The following GEMIN2 variants were observed in gnomAD, a reference collection of about 807,000 sequenced individuals.
GEMIN2 encodes gem-associated protein 2.
Under a neutral mutation model 45.8 loss-of-function variants are expected in GEMIN2, and 37 were observed. That is an observed-to-expected ratio of 0.81 (90% CI 0.62 to 1.06). GEMIN2 has a LOEUF of 1.06. Ranked by LOEUF, GEMIN2 falls within the 50% of genes least tolerant of loss-of-function variation. The probability of loss-of-function intolerance (pLI) is 0.00; values close to 1 mark genes in which losing one functional copy is unlikely to be tolerated. For missense variants in GEMIN2, 335 were observed against 321.8 expected (o/e 1.04, Z -0.31); for synonymous variants, 101 against 111.5 (o/e 0.91, Z 0.60).
At chr14:39,125,600 C>A (rs547638106) in intron 6 of GEMIN2, among the ~76,000 whole-genome samples, 5 of 152,240 alleles carry the variant, frequency 3.3e-5, no homozygotes, top group Admixed American at 3.3e-4. Flanking sequence ...CCACCATGCC[C>A]AGCCATTTTA....
Position 39,136,534 on chromosome 14 carries a change from G to A in GEMIN2, c.*55G>A. ...TTTCTCATGAAGGCAGCCTAACTCT[G>A]AGGAAAACAATGCCAATTCAAGTAC... On this transcript the variant is annotated 3_prime_UTR_variant, in exon 10 of 10. Coordinates refer to ENST00000308317, the MANE Select transcript of GEMIN2 (RefSeq NM_003616.3). 2 of 1,439,086 alleles carry A rather than the reference G, an allele frequency of 1.4e-6. No homozygotes were observed. The highest frequency in any genetic ancestry group is 1.4e-5 in the African/African-American group (1 of 71,410). The allele number at this position is 1,439,086 out of a possible 1,614,324, so 89.1% of individuals were successfully genotyped here.
chr14:39,122,904 A>C (rs2052591276), intron 5 of GEMIN2, among the ~76,000 whole-genome samples: 1 of 152,166 alleles, frequency 6.6e-6, no homozygotes, highest in African/African-American at 2.4e-5. Context: ...CTTGGTAATC[A>C]TTTTATGAGT....
intron 5 of GEMIN2, 62 bp from the exon 6 acceptor site, chr14:39,124,930 G>GAAA: frequency 3.0e-6 from 2 of 677,952 alleles, no homozygotes; most frequent in African/African-American, 1.9e-5. Flanking sequence ...TCACCAGTTT[G>GAAA]AAAAAAAAAA....
intron 4 of GEMIN2, among the ~76,000 whole-genome samples, chr14:39,120,302 G>A (rs1047358500): frequency 1.3e-5 from 2 of 152,194 alleles, no homozygotes; most frequent in African/African-American, 2.4e-5. Flanking sequence ...ACTTTGGGAG[G>A]CTGAGGTGGG....
intron 5 of GEMIN2, among the ~76,000 whole-genome samples, chr14:39,124,338 A>C (rs1266666079): frequency 1.3e-5 from 2 of 152,210 alleles, no homozygotes; most frequent in African/African-American, 4.8e-5. Flanking sequence ...GAAATGGTGT[A>C]TACAACATAT....
At position 39,128,485 on chromosome 14, in the gene GEMIN2, C is replaced by CTTTT. The variant is rs71130820; in HGVS notation, c.600+157_600+160dup. On this transcript the variant is annotated intron_variant, in intron 7 of 9. Coordinates refer to ENST00000308317, the MANE Select transcript of GEMIN2 (RefSeq NM_003616.3). ...ACTGCACATTTTCTTTTTTTCTTTT[C>CTTTT]TTTTTTTTTTTTTTTTTTTTTTTGA... 3.0e-3 allele frequency: 442 copies of CTTTT among 148,318 alleles called. 7 individuals are homozygous for CTTTT. The highest frequency in any genetic ancestry group is 7.4e-3 in the African/African-American group (138 of 18,638). The allele number at this position is 148,318 out of a possible 1,614,324, so 9.2% of individuals were successfully genotyped here.
intron 4 of GEMIN2, 34 bp from the exon 5 acceptor site, chr14:39,122,383 AAAAATTAATACAC>A: frequency 1.0e-6 from 1 of 986,966 alleles, no homozygotes; most frequent in Non-Finnish European, 1.6e-6. Context: ...TGTTCAGTGT[AAAAATTAATACAC>A]AGGAATAAAT....
At chr14:39,123,569 C>T (rs995994731) in intron 5 of GEMIN2, among the ~76,000 whole-genome samples, 10 of 150,996 alleles carry the variant, frequency 6.6e-5, no homozygotes, top group African/African-American at 1.7e-4. Flanking sequence ...CACTCTTAGA[C>T]GTGGTACAGG....
intron 6 of GEMIN2, among the ~76,000 whole-genome samples, chr14:39,127,461 G>T (rs111294681): frequency 0.018 from 2,708 of 148,010 alleles, 79 homozygotes; most frequent in African/African-American, 0.064. Flanking sequence ...CCCGGCCTCA[G>T]CCTCCCTAGT....
At chr14:39,121,010 T>C (rs1430049352) in intron 4 of GEMIN2, among the ~76,000 whole-genome samples, 2 of 152,236 alleles carry the variant, frequency 1.3e-5, no homozygotes, top group Non-Finnish European at 2.9e-5. Context: ...CAAATAGTCC[T>C]GCGTCCTGCT....
At chr14:39,135,789 T>TA (rs1371074794) in intron 9 of GEMIN2, among the ~76,000 whole-genome samples, 4 of 152,220 alleles carry the variant, frequency 2.6e-5, no homozygotes, top group Non-Finnish European at 5.9e-5. Flanking sequence ...TTGCCAAAGT[T>TA]AAAATTATAA....
In GEMIN2 at chr14:39,118,655, A is replaced by G; in HGVS notation, c.372+56A>G. 4.0e-6 allele frequency: 3 copies of G among 751,718 alleles called. No homozygotes were observed. The South Asian group carries it at 5.0e-5, about 12-fold the overall frequency. 46.6% of individuals were successfully genotyped at this position (751,718 alleles called of 1,614,324 possible). ...AATGTATACCTGATTGAAAGAGTCT[A>G]TATTTACTTCCAGTCGTTAAAGATT... is the stretch of plus-strand genomic sequence containing the variant. On this transcript the variant is annotated intron_variant, in intron 4 of 9. Coordinates refer to ENST00000308317, the MANE Select transcript of GEMIN2 (RefSeq NM_003616.3).
At chr14:39,129,897 C>G (rs183178315) in intron 7 of GEMIN2, among the ~76,000 whole-genome samples, 1 of 143,310 alleles carries the variant, frequency 7.0e-6, no homozygotes, top group East Asian at 2.1e-4. Flanking sequence ...TATCCTGGTA[C>G]AAGGTACAAA....
intron 8 of GEMIN2, among the ~76,000 whole-genome samples, chr14:39,132,978 GT>G (rs2052737273): frequency 1.1e-4 from 3 of 26,630 alleles, no homozygotes; most frequent in Admixed American, 3.2e-4. Flanking sequence ...TGCACCTGGT[GT>G]GTGTGTGTGT....
chr14:39,127,600 A>G (rs2052661089), intron 6 of GEMIN2, among the ~76,000 whole-genome samples: 1 of 150,844 alleles, frequency 6.6e-6, no homozygotes. Context: ...TCGGCCTCCC[A>G]AAGTGCTGAG....
chr14:39,131,891 G>A lies in GEMIN2; in HGVS notation c.601-67G>A, dbSNP rs911745975. On this transcript the variant is annotated intron_variant, in intron 7 of 9. Transcript: ENST00000308317. ...TAGCAGATAATCAGGCATAACATTG[G>A]ACATTTAAAAAATAAACTTCTGGTT... 4 of 777,906 alleles carry A rather than the reference G, an allele frequency of 5.1e-6. No homozygotes were observed. The African/African-American group carries it at 6.9e-5, about 13-fold the overall frequency. 48.2% of individuals were successfully genotyped at this position (777,906 alleles called of 1,614,324 possible). A position where few individuals can be genotyped will look rare whatever the true frequency, so the allele number is the denominator to read the frequency against.
At position 39,122,410 on chromosome 14, in the gene GEMIN2, T is replaced by C. The variant is rs1033902078; in HGVS notation, c.373-20T>C. On this transcript the variant is annotated intron_variant, in intron 4 of 9. Transcript: ENST00000308317. ...AAATTAATACACAGGAATAAATCAG[T>C]TTTTTTTTTTTTCTTTTAGCCAAAA... is the stretch of plus-strand genomic sequence containing the variant. 4.7e-6 allele frequency: 4 copies of C among 842,908 alleles called. No homozygotes were observed. The African/African-American group carries it at 9.6e-5, about 20-fold the overall frequency. 52.2% of individuals were successfully genotyped at this position (842,908 alleles called of 1,614,324 possible).
chr14:39,136,131 G>T (rs1476678927), intron 9 of GEMIN2, among the ~76,000 whole-genome samples: 1 of 152,036 alleles, frequency 6.6e-6, no homozygotes, highest in African/African-American at 2.4e-5. Flanking sequence ...ACGTATATTG[G>T]CAGTCCTACA....
At chr14:39,130,416 A>G (rs1267903012) in intron 7 of GEMIN2, among the ~76,000 whole-genome samples, 1 of 152,190 alleles carries the variant, frequency 6.6e-6, no homozygotes, top group African/African-American at 2.4e-5. Flanking sequence ...ATTTGGTATA[A>G]CCTTTCCAGG....
Sources: gnomAD v4.1 joint callset for allele counts (sites outside exome capture counted in the v4.1 genomes callset) on GRCh38, gnomAD v4.1.1 for gene constraint, MANE v1.5 for transcripts, NCBI Gene and HGNC (gene_info 2026-07-23, HGNC 2026-07-21) for gene names.